ABCA9: variants seen among roughly 807,000 people sequenced by gnomAD.
ABCA9 encodes ATP binding cassette subfamily A member 9, also known as ATP-binding cassette sub-family A member 9.
Under a neutral mutation model 205.3 loss-of-function variants are expected in ABCA9, and 183 were observed. The ratio of observed to expected loss-of-function variants is 0.89; its 90% CI spans 0.79 to 1.01. The LOEUF (loss-of-function observed/expected upper bound fraction) is 1.01. Among genes scored for constraint, ABCA9 ranks in the 50% least tolerant of loss-of-function variants. The pLI is 0.00. For missense variants in ABCA9, 1,805 were observed against 1,912.4 expected, an observed-to-expected ratio of 0.94 and a Z score of 1.05; for synonymous variants, 651 against 683.3, an observed-to-expected ratio of 0.95 and a Z score of 0.74.
the ABCA9 span, among the ~76,000 whole-genome samples, chr17:69,071,691 C>CA: frequency 4.6e-5 from 7 of 152,198 alleles, no homozygotes; most frequent in African/African-American, 1.7e-4. Context: ...TATTCTCCTC[C>CA]AAAAAATCAA....
the ABCA9 span, among the ~76,000 whole-genome samples, chr17:69,070,901 G>A: frequency 6.6e-6 from 1 of 152,196 alleles, no homozygotes; most frequent in Non-Finnish European, 1.5e-5. Flanking sequence ...CGAGCTTGGT[G>A]ACGGGAGGGG....
At chr17:68,989,483 A>G (rs187117530) in intron 30 of ABCA9, among the ~76,000 whole-genome samples, 4 of 152,278 alleles carry the variant, frequency 2.6e-5, no homozygotes, top group African/African-American at 7.2e-5. Flanking sequence ...GAATGGAGAA[A>G]GCACTGTTAT....
At chr17:69,061,347 T>C (rs2072242895), upstream of ABCA9, among the ~76,000 whole-genome samples, 1 of 151,776 alleles carries the variant, frequency 6.6e-6, no homozygotes, top group Non-Finnish European at 1.5e-5. Flanking sequence ...TATATATATA[T>C]ATATTTTAAG....
chr17:69,006,607 A>G (rs1025534857), intron 25 of ABCA9, among the ~76,000 whole-genome samples: 24 of 152,212 alleles, frequency 1.6e-4, no homozygotes, highest in African/African-American at 5.8e-4. Context: ...TGTTAATATA[A>G]TAGGAGTAAT....
intron 36 of ABCA9, 136 bp downstream of exon 36, chr17:68,983,573 G>T: frequency 1.6e-6 from 2 of 1,252,318 alleles, no homozygotes; most frequent in South Asian, 1.6e-5. Flanking sequence ...CCTTGGAATT[G>T]AATTTCTCTT....
the ABCA9 span, among the ~76,000 whole-genome samples, chr17:69,070,833 T>A: frequency 2.0e-3 from 303 of 152,258 alleles, 3 homozygotes; most frequent in Non-Finnish European, 7.2e-4. Flanking sequence ...CAATGTCAGA[T>A]CCACTAGACT....
intron 31 of ABCA9, among the ~76,000 whole-genome samples, chr17:68,986,937 CA>C (rs1306442434): frequency 6.6e-6 from 1 of 152,006 alleles, no homozygotes; most frequent in Non-Finnish European, 1.5e-5. Context: ...AAGAAATAAA[CA>C]AAAAACTTTT....
chr17:69,037,021 T>C (rs1039551568), intron 6 of ABCA9, among the ~76,000 whole-genome samples: 26 of 151,970 alleles, frequency 1.7e-4, no homozygotes, highest in Middle Eastern at 3.4e-3. Context: ...ATAAGTATCC[T>C]AAATATATAG....
In ABCA9 at chr17:69,035,226, AG is replaced by A. The variant is rs781649329; in HGVS notation, c.1128+19del. On this transcript the variant is annotated intron_variant, in intron 8 of 38. Transcript: ENST00000340001. ...TGTAGAACGGTTTGTAAAAAGTGAA[AG>A]TGTTACCTTAACTCTTACCTGGGCC... is the stretch of plus-strand genomic sequence containing the variant. The A allele has an allele frequency of 6.6e-7, 1 of 1,506,170 alleles. No homozygotes were observed. The allele number at this position is 1,506,170 out of a possible 1,614,324, so 93.3% of individuals were successfully genotyped here. A position where few individuals can be genotyped will look rare whatever the true frequency, so the allele number is the denominator to read the frequency against.
At chr17:69,061,945 A>C (rs2072266480), upstream of ABCA9, among the ~76,000 whole-genome samples, 1 of 152,200 alleles carries the variant, frequency 6.6e-6, no homozygotes, top group African/African-American at 2.4e-5. Context: ...AATGCATGCA[A>C]TTCTTAAATC....
intron 36 of ABCA9, among the ~76,000 whole-genome samples, chr17:68,983,035 G>A (rs2143957241): frequency 6.6e-6 from 1 of 152,098 alleles, no homozygotes; most frequent in South Asian, 2.1e-4. Flanking sequence ...ATGAAAAGGA[G>A]CAACAATATC....
chr17:69,011,913 C>G, intron 23 of ABCA9, 63 bp downstream of exon 23: 1 of 1,102,952 alleles, frequency 9.1e-7, no homozygotes, highest in Non-Finnish European at 1.3e-6. Context: ...AATTTATAGT[C>G]GTAAGGGTGT....
At chr17:69,019,098 T>C (rs139441637) in intron 19 of ABCA9, among the ~76,000 whole-genome samples, 20 of 152,236 alleles carry the variant, frequency 1.3e-4, no homozygotes, top group African/African-American at 4.8e-4. Context: ...GCATCTTTAT[T>C]GCTTGCCTCC....
intron 22 of ABCA9, among the ~76,000 whole-genome samples, chr17:69,014,590 G>A (rs1346805790): frequency 6.6e-6 from 1 of 151,956 alleles, no homozygotes; most frequent in Non-Finnish European, 1.5e-5. Context: ...ATCTGGTTTT[G>A]TCCAAGAAAT....
chr17:69,076,067 T>C, the ABCA9 span, among the ~76,000 whole-genome samples: 62 of 152,282 alleles, frequency 4.1e-4, no homozygotes, highest in Middle Eastern at 3.4e-3. Flanking sequence ...TGAATAGGAG[T>C]GGTGAAAGTG....
At chr17:69,009,394 G>T (rs993240088) in intron 23 of ABCA9, among the ~76,000 whole-genome samples, 3 of 151,740 alleles carry the variant, frequency 2.0e-5, no homozygotes, top group Non-Finnish European at 4.4e-5. Flanking sequence ...AACAGCAGGA[G>T]AGAAGACCCT....
At chr17:69,001,805 G>T (rs2069881205) in intron 25 of ABCA9, among the ~76,000 whole-genome samples, 1 of 151,738 alleles carries the variant, frequency 6.6e-6, no homozygotes, top group African/African-American at 2.4e-5. Flanking sequence ...TCCTGTTATT[G>T]GTCTATTCAG....
At chr17:69,048,629 CTT>C (rs1434598223) in intron 3 of ABCA9, among the ~76,000 whole-genome samples, 1 of 152,136 alleles carries the variant, frequency 6.6e-6, no homozygotes, top group Non-Finnish European at 1.5e-5. Context: ...GTCTATCACA[CTT>C]TACACATTTA....
At chr17:69,029,113 C>A in intron 11 of ABCA9, 56 bp downstream of exon 11, 2 of 1,082,182 alleles carry the variant, frequency 1.8e-6, no homozygotes, top group Non-Finnish European at 2.6e-6. Context: ...GAAATTACAA[C>A]AGTAAGGCAG....
Sources: allele counts gnomAD v4.1 joint callset (sites outside exome capture counted in the v4.1 genomes callset), GRCh38; gene constraint gnomAD v4.1.1; transcripts MANE v1.5; gene names NCBI Gene and HGNC (gene_info 2026-07-23, HGNC 2026-07-21).